The following FAM117B variants were observed in gnomAD, a reference collection of about 807,000 sequenced individuals.
FAM117B encodes the protein protein FAM117B.
FAM117B carries 22 observed loss-of-function variants against 52.8 expected under a neutral mutation model. The ratio of observed to expected loss-of-function variants is 0.42; its 90% CI spans 0.30 to 0.59. The LOEUF is 0.59. FAM117B is among the 20% of genes least tolerant of loss of function. FAM117B has a pLI of 0.22. For synonymous variants in FAM117B, 309 were observed against 324.1 expected (o/e 0.95, Z 0.50); for missense variants, 678 against 802.6 (o/e 0.84, Z 1.88).
intron 2 of FAM117B, among the ~76,000 whole-genome samples, chr2:202,699,739 T>G (rs1463348533): frequency 1.3e-5 from 2 of 152,170 alleles, no homozygotes; most frequent in African/African-American, 4.8e-5. Context: ...CATTTAAAAA[T>G]ACATGCCTAT....
rs554364563 is a variant in FAM117B at position 202,742,755 on chromosome 2, C to G, written c.961-12783C>G. 9.2e-4 allele frequency among the ~76,000 whole-genome samples: 140 copies of G among 152,062 alleles called. 1 individual carries two copies. The highest frequency in any genetic ancestry group is 9.7e-4 in the Non-Finnish European group (66 of 67,948). Reference sequence around the variant, plus strand: ...AACAGAAAATATTCACAACATATACCACAGACACAAAGGGCTAATAACCCT... The same window carrying G: ...AACAGAAAATATTCACAACATATACGACAGACACAAAGGGCTAATAACCCT... On this transcript the variant is annotated intron_variant, in intron 4 of 7. Transcript: ENST00000392238.
At position 202,769,614 on chromosome 2, in the gene FAM117B, C is replaced by T. The variant is rs745382400; in HGVS notation, c.*3850C>T. The T allele has an allele frequency of 9.8e-5, 15 of 152,580 alleles. No individual in the cohort carries two copies. Among genetic ancestry groups the T allele is most frequent in the Non-Finnish European group, 2.1e-4 (14 of 67,990 alleles). The allele number at this position is 152,580 out of a possible 1,614,324, so 9.5% of individuals were successfully genotyped here. On this transcript the variant is annotated 3_prime_UTR_variant, in exon 8 of 8. Transcript: ENST00000392238. ...ATGCAATTTAAAACATTTTGTTATT[C>T]TAACAATTCTCTCAAAAAACAGCAT... is the stretch of plus-strand genomic sequence containing the variant.
Position 202,726,284 on chromosome 2 carries a change from A to G in FAM117B, c.881A>G (p.Lys294Arg), listed in dbSNP as rs1691244044. 2 of 1,613,740 alleles carry G rather than the reference A, an allele frequency of 1.2e-6. No homozygotes were observed. The highest frequency in any genetic ancestry group is 1.7e-6 in the Non-Finnish European group (2 of 1,179,980). Residue 294 changes from lysine to arginine, a missense_variant, in exon 4 of 8, where the codon AAA becomes AGA. Physicochemically the swap from Lys to Arg is conservative, Grantham distance 26 (BLOSUM62 2). Coordinates refer to ENST00000392238, the MANE Select transcript of FAM117B (RefSeq NM_173511.4). Reference sequence around the variant, plus strand: ...TTACGCCAGCAGTTGCAGAGAAGTAAACACAGCAGTCGGCATCATCGAGAT... The same window carrying G: ...TTACGCCAGCAGTTGCAGAGAAGTAGACACAGCAGTCGGCATCATCGAGAT... ...AKLRQQLQRS[K>R]HSSRHHRDKE...
rs532424239 is a variant in FAM117B at position 202,720,987 on chromosome 2, A to AT, written c.754-3922dup. Among the ~76,000 whole-genome samples, 29 of 152,120 alleles carry AT rather than the reference A, an allele frequency of 1.9e-4. No homozygotes were observed. The East Asian group carries it at 5.0e-3, about 26-fold the overall frequency. On this transcript the variant is annotated intron_variant, in intron 2 of 7. Coordinates refer to ENST00000392238, the MANE Select transcript of FAM117B (RefSeq NM_173511.4). ...AAACACAAATGAACAAGAAAAACTG[A>AT]TTTTTTTTGGTTACACACAAAATAT... is the stretch of plus-strand genomic sequence containing the variant.
chr2:202,693,937 G>T (rs1690669960), intron 1 of FAM117B, among the ~76,000 whole-genome samples: 1 of 151,914 alleles, frequency 6.6e-6, no homozygotes, highest in Admixed American at 6.6e-5. Context: ...TTTGATTTGG[G>T]GGCTTAATCT....
At chr2:202,758,816 C>T (rs1235535839) in intron 6 of FAM117B, among the ~76,000 whole-genome samples, 1 of 152,156 alleles carries the variant, frequency 6.6e-6, no homozygotes, top group Non-Finnish European at 1.5e-5. Context: ...GCTCTCACTA[C>T]CTGGAGCAAA....
In FAM117B at chr2:202,657,007, A is replaced by G. The variant is rs534606152; in HGVS notation, c.601+21219A>G. On this transcript the variant is annotated intron_variant, in intron 1 of 7. Coordinates refer to ENST00000392238, the MANE Select transcript of FAM117B (RefSeq NM_173511.4). ...AAGATCTATTTTTACTATCCTTTCT[A>G]TAATTCCATCCTTTGTTGTATTTAA... 2.5e-3 allele frequency among the ~76,000 whole-genome samples: 386 copies of G among 152,294 alleles called. 3 individuals carry two copies. The highest frequency in any genetic ancestry group is 8.6e-3 in the African/African-American group (358 of 41,570).
At chr2:202,663,738 C>A (rs1690163990) in intron 1 of FAM117B, among the ~76,000 whole-genome samples, 1 of 152,144 alleles carries the variant, frequency 6.6e-6, no homozygotes, top group Non-Finnish European at 1.5e-5. Context: ...CACCCCCTGC[C>A]ACACCCAGCT....
In FAM117B at chr2:202,696,007, C is replaced by T; in HGVS notation, c.728C>T (p.Pro243Leu). The change falls in exon 2 of 8, where the codon CCT (proline) becomes CTT (leucine). Residue 243 changes from proline to leucine, a missense_variant. Physicochemically the swap from Pro to Leu is moderately conservative, Grantham distance 98 (BLOSUM62 -3). Transcript: ENST00000392238. ...CGGGATAGCCATGGGCAAGCTGCAC[C>T]TTGCATGAGGGACAAAGCTACACAG... ...WPRDSHGQAAPCMRDKATQTE... is the reference protein window; with the variant it reads ...WPRDSHGQAALCMRDKATQTE... 6.2e-7 allele frequency: 1 copy of T among 1,614,108 alleles called. No homozygotes were observed. Among genetic ancestry groups the T allele is most frequent in the Non-Finnish European group, 8.5e-7 (1 of 1,179,994 alleles).
At chr2:202,763,996 C>T (rs1195057477) in intron 7 of FAM117B, among the ~76,000 whole-genome samples, 1 of 152,218 alleles carries the variant, frequency 6.6e-6, no homozygotes, top group Non-Finnish European at 1.5e-5. Context: ...CTGTTAGATT[C>T]TCTTGTGGCG....
At chr2:202,656,565 G>A (rs1278220127) in intron 1 of FAM117B, among the ~76,000 whole-genome samples, 2 of 152,118 alleles carry the variant, frequency 1.3e-5, no homozygotes, top group African/African-American at 2.4e-5. Flanking sequence ...ATATCAGAGA[G>A]CATACCTTAT....
chr2:202,711,828 T>A (rs1690961647), intron 2 of FAM117B, among the ~76,000 whole-genome samples: 2 of 152,116 alleles, frequency 1.3e-5, no homozygotes, highest in Admixed American at 1.3e-4. Flanking sequence ...GTTCTTGGCA[T>A]CTTTGTCAAA....
chr2:202,654,431 A>T (rs1012335657), intron 1 of FAM117B, among the ~76,000 whole-genome samples: 1 of 152,114 alleles, frequency 6.6e-6, no homozygotes, highest in African/African-American at 2.4e-5. Context: ...TTGTTTATGA[A>T]GGTTGTACTG....
intron 1 of FAM117B, among the ~76,000 whole-genome samples, chr2:202,640,292 C>CAA (rs200351349): frequency 2.0e-5 from 1 of 50,712 alleles, no homozygotes; most frequent in Admixed American, 2.3e-4. Flanking sequence ...ACCACCACCA[C>CAA]AAAATATATA....
intron 4 of FAM117B, among the ~76,000 whole-genome samples, chr2:202,743,877 G>A (rs1186755137): frequency 6.6e-6 from 1 of 152,176 alleles, no homozygotes; most frequent in Non-Finnish European, 1.5e-5. Flanking sequence ...GTGACATATA[G>A]GAAGCAACAA....
At chr2:202,678,795 TG>T (rs1690418708) in intron 1 of FAM117B, among the ~76,000 whole-genome samples, 1 of 152,134 alleles carries the variant, frequency 6.6e-6, no homozygotes, top group African/African-American at 2.4e-5. Flanking sequence ...CGACCTCAGG[TG>T]ATCTGTCCGC....
At chr2:202,645,101 G>T (rs2105753435) in intron 1 of FAM117B, among the ~76,000 whole-genome samples, 1 of 151,852 alleles carries the variant, frequency 6.6e-6, no homozygotes, top group South Asian at 2.1e-4. Context: ...ATCTTTATCT[G>T]TTTGCATTTC....
intron 2 of FAM117B, among the ~76,000 whole-genome samples, chr2:202,697,803 G>A (rs1690735143): frequency 6.6e-6 from 1 of 151,842 alleles, no homozygotes; most frequent in Non-Finnish European, 1.5e-5. Context: ...GCCTACCTCG[G>A]CCTCCCAAAG....
At chr2:202,693,713 A>T (rs147501488) in intron 1 of FAM117B, among the ~76,000 whole-genome samples, 7 of 152,324 alleles carry the variant, frequency 4.6e-5, no homozygotes, top group African/African-American at 1.7e-4. Context: ...CTTTATCATG[A>T]ATGAGTCTTT....
Sources: allele counts gnomAD v4.1 joint callset (sites outside exome capture counted in the v4.1 genomes callset), GRCh38; gene constraint gnomAD v4.1.1; transcripts MANE v1.5; gene names NCBI Gene and HGNC (gene_info 2026-07-23, HGNC 2026-07-21).